The following PDE4D variants were observed in gnomAD, a reference collection of about 807,000 sequenced individuals.
PDE4D encodes 3',5'-cyclic-AMP phosphodiesterase 4D.
PDE4D carries 24 observed loss-of-function variants against 87.4 expected under a neutral mutation model. The observed-to-expected ratio is 0.27, with a 90% confidence interval of 0.20 to 0.39. The LOEUF (loss-of-function observed/expected upper bound fraction) is 0.39, where lower values mean the gene tolerates loss of function less well. Among genes scored for constraint, PDE4D ranks in the 10% least tolerant of loss-of-function variants. The pLI is 1.00. For missense variants in PDE4D, 714 were observed against 1,041.0 expected, an observed-to-expected ratio of 0.69 and a Z score of 4.32; for synonymous variants, 384 against 383.2, an observed-to-expected ratio of 1.00 and a Z score of -0.02.
intron 1 of PDE4D, among the ~76,000 whole-genome samples, chr5:59,771,439 AAG>A (rs752244997): frequency 0.013 from 1,153 of 88,692 alleles, 18 homozygotes; most frequent in South Asian, 0.021. Flanking sequence ...AAGAAAAAGA[AAG>A]AAAGAAAGAA....
chr5:59,775,381 T>C (rs1763975983), intron 1 of PDE4D, among the ~76,000 whole-genome samples: 1 of 152,178 alleles, frequency 6.6e-6, no homozygotes. Flanking sequence ...TAACTAGATG[T>C]AAGTGCAAAA....
rs1014813974 is a variant in PDE4D at position 59,117,434 on chromosome 5, G to A, written c.808+63161C>T. ...TTTACCTGGACCCTCCACTACAGACGGCCACACTTGTCACACACATACATG... is the reference window on the plus strand; with the variant it reads ...TTTACCTGGACCCTCCACTACAGACAGCCACACTTGTCACACACATACATG... On this transcript the variant is annotated intron_variant, in intron 5 of 14. Coordinates refer to ENST00000340635, the MANE Select transcript of PDE4D (RefSeq NM_001104631.2). Among the ~76,000 whole-genome samples the A allele has an allele frequency of 2.6e-5, 4 of 151,978 alleles. No individual in the cohort carries two copies. The South Asian group carries it at 8.3e-4, about 32-fold the overall frequency.
chr5:60,143,286 A>G (rs1780696839), intron 2 of PDE4D, among the ~76,000 whole-genome samples: 1 of 152,246 alleles, frequency 6.6e-6, no homozygotes, highest in Admixed American at 6.5e-5. Context: ...TATGTGCAAC[A>G]TGCTTCACAT....
chr5:59,048,956 A>T (rs908697909), intron 5 of PDE4D, among the ~76,000 whole-genome samples: 1 of 152,188 alleles, frequency 6.6e-6, no homozygotes, highest in Non-Finnish European at 1.5e-5. Flanking sequence ...AATCTTCCTT[A>T]AACCCTGGTT....
chr5:59,696,652 A>G (rs115563148), intron 1 of PDE4D, among the ~76,000 whole-genome samples: 2,497 of 152,312 alleles, frequency 0.016, 67 homozygotes, highest in African/African-American at 0.057. Flanking sequence ...AACCAGTAAA[A>G]GTTGAGAATA....
intron 1 of PDE4D, among the ~76,000 whole-genome samples, chr5:60,334,022 T>A (rs1757531583): frequency 6.6e-6 from 1 of 152,216 alleles, no homozygotes; most frequent in African/African-American, 2.4e-5. Context: ...CACTGATTCA[T>A]TCTCACAATA....
intron 1 of PDE4D, among the ~76,000 whole-genome samples, chr5:60,506,998 C>G (rs1157025260): frequency 1.3e-5 from 2 of 152,172 alleles, no homozygotes; most frequent in African/African-American, 4.8e-5. Flanking sequence ...ATTCTGTTCA[C>G]ACATAAACAA....
chr5:59,064,273 C>T (rs1763562422), intron 5 of PDE4D, among the ~76,000 whole-genome samples: 1 of 152,052 alleles, frequency 6.6e-6, no homozygotes, highest in Non-Finnish European at 1.5e-5. Context: ...TGCTAAAATA[C>T]ACTGGAAATT....
chr5:60,301,653 A>C (rs913434706), intron 1 of PDE4D, among the ~76,000 whole-genome samples: 7 of 152,204 alleles, frequency 4.6e-5, no homozygotes, highest in African/African-American at 1.7e-4. Flanking sequence ...TCTGCAAACA[A>C]AGATAACTGG....
chr5:60,117,835 C>T (rs1282172123), intron 2 of PDE4D, among the ~76,000 whole-genome samples: 4 of 151,414 alleles, frequency 2.6e-5, no homozygotes, highest in Non-Finnish European at 5.9e-5. Context: ...TACACACACA[C>T]ACACACACCA....
intron 2 of PDE4D, among the ~76,000 whole-genome samples, chr5:60,112,598 T>C (rs1582720276): frequency 6.6e-6 from 1 of 152,100 alleles, no homozygotes; most frequent in Non-Finnish European, 1.5e-5. Context: ...TTGAAAACTA[T>C]ACTTCAGGGC....
At chr5:59,305,878 T>C (rs1561921807) in intron 1 of PDE4D, among the ~76,000 whole-genome samples, 1 of 152,018 alleles carries the variant, frequency 6.6e-6, no homozygotes, top group East Asian at 1.9e-4. Flanking sequence ...TATTTTGCAG[T>C]TGTTCTGTAT....
chr5:60,040,481 CTG>C (rs1768350084), intron 2 of PDE4D, among the ~76,000 whole-genome samples: 1 of 152,164 alleles, frequency 6.6e-6, no homozygotes, highest in South Asian at 2.1e-4. Flanking sequence ...TGTCTACAGT[CTG>C]TGCTTTATCT....
chr5:59,436,018 C>T (rs1796756933), intron 1 of PDE4D, among the ~76,000 whole-genome samples: 1 of 152,126 alleles, frequency 6.6e-6, no homozygotes, highest in Non-Finnish European at 1.5e-5. Context: ...AAAAGTTATC[C>T]AAATACTTGA....
intron 2 of PDE4D, among the ~76,000 whole-genome samples, chr5:59,199,272 T>TC (rs1454188649): frequency 1.5e-5 from 2 of 133,216 alleles, no homozygotes; most frequent in African/African-American, 5.4e-5. Context: ...TTTTTTTTTT[T>TC]CAATGGCATG....
intron 5 of PDE4D, among the ~76,000 whole-genome samples, chr5:59,139,757 G>A (rs150466425): frequency 2.0e-5 from 3 of 151,930 alleles, no homozygotes; most frequent in Admixed American, 1.3e-4. Flanking sequence ...TAGGATTACA[G>A]GTGTGAGCTA....
chr5:59,119,659 A>T (rs1774163866), intron 5 of PDE4D, among the ~76,000 whole-genome samples: 2 of 152,192 alleles, frequency 1.3e-5, no homozygotes, highest in South Asian at 4.1e-4. Context: ...TTTTTCAATC[A>T]TTGAGTCCTG....
intron 3 of PDE4D, among the ~76,000 whole-genome samples, chr5:59,964,149 A>T (rs1759757380): frequency 6.6e-6 from 1 of 152,198 alleles, no homozygotes; most frequent in East Asian, 1.9e-4. Context: ...TGGGCCTAGA[A>T]CATGACAACT....
rs115041804 is a variant in PDE4D at position 60,006,534 on chromosome 5, C to T, written c.43-17817G>A. ...AACTAGGGTTAAGCAATATGTCCCCCATGCCCTATGAGAAGGCTGAGAAAA... is the reference window on the plus strand; with the variant it reads ...AACTAGGGTTAAGCAATATGTCCCCTATGCCCTATGAGAAGGCTGAGAAAA... On this transcript the variant is annotated intron_variant, in intron 2 of 16. Transcript: ENST00000502484. Among the ~76,000 whole-genome samples the T allele has an allele frequency of 1.8e-3, 269 of 152,026 alleles. 2 individuals are homozygous for T. Among genetic ancestry groups the T allele is most frequent in the Middle Eastern group, 6.8e-3 (2 of 294 alleles).
Sources: gnomAD v4.1 joint callset for allele counts (sites outside exome capture counted in the v4.1 genomes callset) on GRCh38, gnomAD v4.1.1 for gene constraint, MANE v1.5 for transcripts, NCBI Gene and HGNC (gene_info 2026-07-23, HGNC 2026-07-21) for gene names.